KDR: variants seen among roughly 807,000 people sequenced by gnomAD.
The protein encoded by KDR is vascular endothelial growth factor receptor 2.
In KDR, 43 loss-of-function variants were observed where a neutral mutation model predicts 160.9. The observed-to-expected ratio is 0.27, with a 90% CI of 0.21 to 0.34. The LOEUF is 0.34. KDR is among the 10% of genes least tolerant of loss of function. The pLI is 1.00. For synonymous variants in KDR, 617 were observed against 600.1 expected (o/e 1.03, Z -0.41); for missense variants, 1,469 against 1,666.4 (o/e 0.88, Z 2.06).
chr4:55,088,244 T>C, intron 26 of KDR, among the ~76,000 whole-genome samples: 1 of 152,154 alleles, frequency 6.6e-6, no homozygotes, highest in East Asian at 1.9e-4. Context: ...CTTAATATTA[T>C]TGCATCAAGA....
intron 26 of KDR, among the ~76,000 whole-genome samples, chr4:55,088,177 C>G (rs1719909090): frequency 1.3e-5 from 2 of 152,062 alleles, no homozygotes; most frequent in South Asian, 2.1e-4. Flanking sequence ...TGATGACAGT[C>G]TAAAGAAAAG....
chr4:55,081,954 A>G lies in KDR; in HGVS notation c.3848+2T>C, dbSNP rs2110005091. Reference sequence around the variant, plus strand: ...TGTCTTTTTAATATGGCTGAGTCTTACCCAAAAGATGGAGATAATTTGGTT... The same window carrying G: ...TGTCTTTTTAATATGGCTGAGTCTTGCCCAAAAGATGGAGATAATTTGGTT... On this transcript the variant is annotated splice_donor_variant, in intron 29 of 29. Transcript: ENST00000263923. LOFTEE classifies it high-confidence loss of function. 6.2e-7 allele frequency: 1 copy of G among 1,604,042 alleles called. No homozygotes were observed. Among genetic ancestry groups the G allele is most frequent in the Non-Finnish European group, 8.5e-7 (1 of 1,170,832 alleles).
intron 22 of KDR, 107 bp downstream of exon 22, chr4:55,092,510 G>A: frequency 1.2e-6 from 1 of 806,806 alleles, no homozygotes; most frequent in Non-Finnish European, 2.2e-6. Flanking sequence ...ACGTAGAAGT[G>A]GTGAATGAAT....
Position 55,115,425 on chromosome 4 carries a change from T to C in KDR, c.359-14A>G. On this transcript the variant is annotated splice_polypyrimidine_tract_variant and intron_variant, in intron 3 of 29. Transcript: ENST00000263923. ...GAGATCTGTAATCTAGAAGAAAATTTAGTTTTATTAATGAGTTAATAGTAT... is the reference window on the plus strand; with the variant it reads ...GAGATCTGTAATCTAGAAGAAAATTCAGTTTTATTAATGAGTTAATAGTAT... 1 of 1,393,396 alleles carries C rather than the reference T, an allele frequency of 7.2e-7. No homozygotes were observed. Among genetic ancestry groups the C allele is most frequent in the Non-Finnish European group, 1.0e-6 (1 of 979,690 alleles). 86.3% of individuals were successfully genotyped at this position (1,393,396 alleles called of 1,614,324 possible). A position where few individuals can be genotyped will look rare whatever the true frequency, so the allele number is the denominator to read the frequency against.
rs891478787 is a variant in KDR, at chr4:55,079,268, G to A, written c.*673C>T. The A allele has an allele frequency of 3.0e-5, 7 of 234,518 alleles. No individual in the cohort carries two copies. In the East Asian group the frequency reaches 4.2e-4, roughly 14 times the overall value. The allele number at this position is 234,518 out of a possible 1,614,324, so 14.5% of individuals were successfully genotyped here. ...GAACTCTCATTAGGAGTCAGAAACA[G>A]CACAACGAACTCTACTTTAGCCCAA... On this transcript the variant is annotated 3_prime_UTR_variant, in exon 30 of 30. Transcript: ENST00000263923.
rs1719660349 is a variant in KDR at position 55,079,207 on chromosome 4, T to A, written c.*734A>T. ...AGCCAGAGCTGCATCATTTCCTTCC[T>A]GGGGCTTGGCCAGGAGACACGTAAC... is the stretch of plus-strand genomic sequence containing the variant. On this transcript the variant is annotated 3_prime_UTR_variant, in exon 30 of 30. Coordinates refer to ENST00000263923, the MANE Select transcript of KDR (RefSeq NM_002253.4). 4.3e-6 allele frequency: 1 copy of A among 233,330 alleles called. No individual in the cohort carries two copies. Among genetic ancestry groups the A allele is most frequent in the Non-Finnish European group, 8.5e-6 (1 of 118,210 alleles). The allele number at this position is 233,330 out of a possible 1,614,324, so 14.5% of individuals were successfully genotyped here. A position where few individuals can be genotyped will look rare whatever the true frequency, so the allele number is the denominator to read the frequency against.
Position 55,105,824 on chromosome 4 carries a change from G to C in KDR, c.1645+8C>G, listed in dbSNP as rs762797581. On this transcript the variant is annotated splice_region_variant and intron_variant, in intron 12 of 29. Transcript: ENST00000263923. ...ATCCAACCCAAACCTCCAGAGAAGA[G>C]TACTTACTGGTCACGTGGAAGGAGA... The C allele has an allele frequency of 6.1e-5, 93 of 1,529,566 alleles. No homozygotes were observed. Among genetic ancestry groups the C allele is most frequent in the Non-Finnish European group, 7.8e-5 (86 of 1,102,922 alleles). The allele number at this position is 1,529,566 out of a possible 1,614,324, so 94.7% of individuals were successfully genotyped here.
At chr4:55,121,049 C>A in intron 2 of KDR, 48 bp downstream of exon 2, 1 of 1,269,698 alleles carries the variant, frequency 7.9e-7, no homozygotes, top group Non-Finnish European at 1.2e-6. Flanking sequence ...ACTCAATAAA[C>A]AATCAGTTAC....
chr4:55,085,664 A>G (rs1719844778), intron 27 of KDR, among the ~76,000 whole-genome samples: 1 of 152,240 alleles, frequency 6.6e-6, no homozygotes, highest in African/African-American at 2.4e-5. Context: ...GGAGGTGGAG[A>G]GGAGATGCAG....
intron 2 of KDR, 70 bp from the exon 3 acceptor site, chr4:55,118,870 A>G: frequency 1.0e-5 from 14 of 1,392,864 alleles, no homozygotes; most frequent in Non-Finnish European, 1.4e-5. Context: ...AAGAAAAGAG[A>G]AAATTTGGTT....
intron 4 of KDR, 33 bp from the exon 5 acceptor site, chr4:55,115,075 T>C (rs1720698795): frequency 6.4e-7 from 1 of 1,565,172 alleles, no homozygotes; most frequent in Admixed American, 1.7e-5. Context: ...AAATATTTAA[T>C]CCAGTACCAA....
intron 29 of KDR, 64 bp from the exon 30 acceptor site, chr4:55,080,227 T>A: frequency 6.9e-7 from 1 of 1,451,020 alleles, no homozygotes; most frequent in East Asian, 2.3e-5. Flanking sequence ...CTTTTTACCC[T>A]CACCCCATTC....
rs1278374836 is a variant in KDR at position 55,079,488 on chromosome 4, G to A, written c.*453C>T. 9.8e-6 allele frequency: 3 copies of A among 307,200 alleles called. No homozygotes were observed. Among genetic ancestry groups the A allele is most frequent in the South Asian group, 6.9e-5 (1 of 14,430 alleles). 19.0% of individuals were successfully genotyped at this position (307,200 alleles called of 1,614,324 possible). On this transcript the variant is annotated 3_prime_UTR_variant, in exon 30 of 30. Coordinates refer to ENST00000263923, the MANE Select transcript of KDR (RefSeq NM_002253.4). ...ACTTAAGGCTTGGCTTGGGACCCAC[G>A]TCCTAAACAAAGCCTCTTGGATAGA...
At chr4:55,098,455 A>G (rs1720218246) in intron 16 of KDR, among the ~76,000 whole-genome samples, 183 bp from the exon 17 acceptor site, 1 of 152,134 alleles carries the variant, frequency 6.6e-6, no homozygotes, top group Non-Finnish European at 1.5e-5. Context: ...AGGAGCTCAG[A>G]ATTAAGGTTT....
At chr4:55,120,816 T>C (rs1231773737) in intron 2 of KDR, among the ~76,000 whole-genome samples, 4 of 148,134 alleles carry the variant, frequency 2.7e-5, no homozygotes, top group Admixed American at 1.4e-4. Context: ...GCTGTACTGG[T>C]TATTGGAATG....
At chr4:55,091,042 G>A (rs929022400) in intron 22 of KDR, among the ~76,000 whole-genome samples, 3 of 151,784 alleles carry the variant, frequency 2.0e-5, no homozygotes, top group Non-Finnish European at 4.4e-5. Context: ...TAGTAGAGAC[G>A]GGGTTTCACC....
intron 3 of KDR, 29 bp downstream of exon 3, chr4:55,118,575 T>C (rs1560524454): frequency 6.4e-7 from 1 of 1,559,214 alleles, no homozygotes; most frequent in Non-Finnish European, 8.9e-7. Context: ...TAAAGAGACG[T>C]GGGAAATGAA....
At position 55,079,233 on chromosome 4, in the gene KDR, G is replaced by T. The variant is rs997731956; in HGVS notation, c.*708C>A. Reference sequence around the variant, plus strand: ...GGGGCTTGGCCAGGAGACACGTAACGGTCTGGAAGGAACTCTCATTAGGAG... The same window carrying T: ...GGGGCTTGGCCAGGAGACACGTAACTGTCTGGAAGGAACTCTCATTAGGAG... On this transcript the variant is annotated 3_prime_UTR_variant, in exon 30 of 30. Coordinates refer to ENST00000263923, the MANE Select transcript of KDR (RefSeq NM_002253.4). 9 of 233,376 alleles carry T rather than the reference G, an allele frequency of 3.9e-5. No homozygotes were observed. Among genetic ancestry groups the T allele is most frequent in the Non-Finnish European group, 6.8e-5 (8 of 118,318 alleles). 14.5% of individuals were successfully genotyped at this position (233,376 alleles called of 1,614,324 possible).
chr4:55,092,742 T>G, intron 21 of KDR, 28 bp from the exon 22 acceptor site: 1 of 1,464,730 alleles, frequency 6.8e-7, no homozygotes, highest in Non-Finnish European at 9.6e-7. Flanking sequence ...AGGATGGAGA[T>G]CAGTATTTCC....
Sources: gnomAD v4.1 joint callset for allele counts (sites outside exome capture counted in the v4.1 genomes callset) on GRCh38, gnomAD v4.1.1 for gene constraint, MANE v1.5 for transcripts, NCBI Gene and HGNC (gene_info 2026-07-23, HGNC 2026-07-21) for gene names.